ADGRL3: variants seen among roughly 807,000 people sequenced by gnomAD.
The protein encoded by ADGRL3 is calcium-independent alpha-latrotoxin receptor 3.
In ADGRL3, 62 loss-of-function variants were observed where a neutral mutation model predicts 153.5. The observed-to-expected ratio is 0.40, with a 90% CI of 0.33 to 0.50. The LOEUF (loss-of-function observed/expected upper bound fraction) is 0.50, where lower values mean the gene tolerates loss of function less well. ADGRL3 is among the 20% of genes least tolerant of loss of function. The pLI, the probability that ADGRL3 is intolerant of heterozygous loss-of-function variation, is 0.47. For missense variants in ADGRL3, 1,641 were observed against 1,859.4 expected (o/e 0.88, Z 2.16); for synonymous variants, 710 against 672.5 (o/e 1.06, Z -0.86).
intron 6 of ADGRL3, among the ~76,000 whole-genome samples, chr4:61,706,425 CAAAAA>C (rs56955396): frequency 1.5e-5 from 2 of 130,046 alleles, no homozygotes; most frequent in Non-Finnish European, 3.3e-5. Flanking sequence ...GACTCCCTCT[CAAAAA>C]AAAAAAAAAA....
At chr4:61,273,203 G>A (rs146370400) in intron 1 of ADGRL3, among the ~76,000 whole-genome samples, 1 of 152,276 alleles carries the variant, frequency 6.6e-6, no homozygotes, top group East Asian at 1.9e-4. Flanking sequence ...TTAGTTTACT[G>A]TTGTTGGATT....
chr4:61,545,911 C>CA (rs1164142428), intron 4 of ADGRL3, among the ~76,000 whole-genome samples: 7 of 149,246 alleles, frequency 4.7e-5, no homozygotes, highest in East Asian at 4.0e-4. Context: ...AAACAAAAAA[C>CA]AAAAAAACTT....
intron 1 of ADGRL3, among the ~76,000 whole-genome samples, chr4:61,220,199 T>A (rs921392872): frequency 2.0e-5 from 3 of 151,982 alleles, no homozygotes; most frequent in African/African-American, 7.2e-5. Context: ...AGCTAGAGTA[T>A]TTGGTTATGA....
intron 5 of ADGRL3, among the ~76,000 whole-genome samples, chr4:61,674,998 A>T (rs139471977): frequency 6.6e-6 from 1 of 152,114 alleles, no homozygotes; most frequent in Non-Finnish European, 1.5e-5. Context: ...AACCTTCAGG[A>T]TTAGCTGTTA....
At chr4:61,756,761 A>G (rs1308482661) in intron 8 of ADGRL3, among the ~76,000 whole-genome samples, 1 of 152,142 alleles carries the variant, frequency 6.6e-6, no homozygotes, top group African/African-American at 2.4e-5. Context: ...TGGGTTTGTC[A>G]TAGATAGCTC....
intron 3 of ADGRL3, among the ~76,000 whole-genome samples, chr4:61,503,488 T>C (rs1390981069): frequency 6.6e-6 from 1 of 152,062 alleles, no homozygotes; most frequent in African/African-American, 2.4e-5. Context: ...ATTGTTTTCT[T>C]ATTCTTTGGA....
chr4:61,635,445 A>G (rs2093373737), intron 5 of ADGRL3, among the ~76,000 whole-genome samples: 1 of 152,176 alleles, frequency 6.6e-6, no homozygotes. Context: ...GGGCCTTTCA[A>G]AAGTACCAGG....
chr4:61,214,980 T>G (rs1164920311), intron 1 of ADGRL3, among the ~76,000 whole-genome samples: 1 of 152,026 alleles, frequency 6.6e-6, no homozygotes, highest in Non-Finnish European at 1.5e-5. Flanking sequence ...ATGTGAAATG[T>G]CCAGTAGTCA....
At chr4:62,025,642 G>A (rs900811283) in intron 21 of ADGRL3, among the ~76,000 whole-genome samples, 3 of 152,200 alleles carry the variant, frequency 2.0e-5, no homozygotes, top group African/African-American at 7.2e-5. Flanking sequence ...AGATGCGTTA[G>A]TATATATTAC....
rs73207511 is a variant in ADGRL3 at position 62,044,005 on chromosome 4, G to A, written c.3718-448G>A. On this transcript the variant is annotated intron_variant, in intron 24 of 26. Coordinates refer to ENST00000683033, the MANE Select transcript of ADGRL3 (RefSeq NM_001387552.1). ...TTTTCTTTTCTTAGCAAACTCTTTT[G>A]CAAGATTCTGATTTCTTAAACTAAA... 6.5e-3 allele frequency among the ~76,000 whole-genome samples: 992 copies of A among 151,984 alleles called. 8 individuals carry two copies. Among genetic ancestry groups the A allele is most frequent in the African/African-American group, 0.023 (942 of 41,518 alleles).
intron 1 of ADGRL3, among the ~76,000 whole-genome samples, chr4:61,370,362 C>T (rs1382875327): frequency 6.6e-6 from 1 of 151,228 alleles, no homozygotes; most frequent in Non-Finnish European, 1.5e-5. Context: ...CTCTTGTGGG[C>T]ATGTAGTGCT....
intron 3 of ADGRL3, among the ~76,000 whole-genome samples, chr4:61,515,514 G>A (rs1345555436): frequency 1.3e-5 from 2 of 151,708 alleles, no homozygotes; most frequent in Non-Finnish European, 2.9e-5. Context: ...TAGCTTTGTG[G>A]TCTGTTTTCT....
intron 2 of ADGRL3, among the ~76,000 whole-genome samples, chr4:61,426,143 A>G (rs540684766): frequency 4.6e-5 from 7 of 152,256 alleles, no homozygotes; most frequent in Admixed American, 1.3e-4. Flanking sequence ...TTCATTTTCC[A>G]TAAGTCTTGC....
intron 1 of ADGRL3, among the ~76,000 whole-genome samples, chr4:61,364,693 A>G (rs2096362892): frequency 6.6e-6 from 1 of 152,204 alleles, no homozygotes; most frequent in African/African-American, 2.4e-5. Flanking sequence ...AGAATTAGAG[A>G]AGGACATTCT....
rs563492899 is a variant in ADGRL3, at chr4:61,391,722, G to A, written c.-174+8533G>A. On this transcript the variant is annotated intron_variant, in intron 2 of 26. Transcript: ENST00000683033. ...ATGGTGCCATTTTTATTAAATTGAT[G>A]GTATGCAGAAAGTTTTATCTTCTTC... is the stretch of plus-strand genomic sequence containing the variant. 1.7e-3 allele frequency among the ~76,000 whole-genome samples: 265 copies of A among 151,530 alleles called. 3 individuals carry two copies. Among genetic ancestry groups the A allele is most frequent in the Non-Finnish European group, 2.0e-3 (139 of 67,864 alleles).
At chr4:61,876,402 C>T (rs910676282) in intron 9 of ADGRL3, among the ~76,000 whole-genome samples, 14 of 151,936 alleles carry the variant, frequency 9.2e-5, no homozygotes, top group African/African-American at 2.7e-4. Context: ...CCCTGATGCA[C>T]GGCCTTGCCT....
chr4:62,031,982 CACACACACACAT>C (rs1408278234), intron 23 of ADGRL3, among the ~76,000 whole-genome samples: 12 of 141,208 alleles, frequency 8.5e-5, no homozygotes, highest in Non-Finnish European at 1.9e-4. Flanking sequence ...CACACACACA[CACACACACACAT>C]GGATATATAT....
chr4:62,041,059 G>GT (rs1410644085), intron 24 of ADGRL3, among the ~76,000 whole-genome samples: 1 of 152,012 alleles, frequency 6.6e-6, no homozygotes, highest in Admixed American at 6.6e-5. Context: ...CTAGGTATTT[G>GT]TAACAGTATG....
intron 1 of ADGRL3, among the ~76,000 whole-genome samples, chr4:61,373,890 T>C (rs529472551): frequency 1.3e-5 from 2 of 152,298 alleles, no homozygotes; most frequent in South Asian, 4.1e-4. Context: ...TAACTTAAAA[T>C]GTAGATTTAT....
Sources: gnomAD v4.1 joint callset for allele counts (sites outside exome capture counted in the v4.1 genomes callset) on GRCh38, gnomAD v4.1.1 for gene constraint, MANE v1.5 for transcripts, NCBI Gene and HGNC (gene_info 2026-07-23, HGNC 2026-07-21) for gene names.